Variants in STAM2 observed in about 807,000 individuals in gnomAD.
The protein encoded by STAM2 is signal transducing adaptor molecule 2.
Under a neutral mutation model 65.6 loss-of-function variants are expected in STAM2, and 51 were observed. The ratio of observed to expected loss-of-function variants is 0.78; its 90% confidence interval spans 0.62 to 0.98. The LOEUF (loss-of-function observed/expected upper bound fraction) is 0.98, where lower values mean the gene tolerates loss of function less well. Ranked by LOEUF, STAM2 falls within the 50% of genes least tolerant of loss-of-function variation. The pLI is 0.00. For synonymous variants in STAM2, 198 were observed against 208.4 expected (o/e 0.95, Z 0.43); for missense variants, 584 against 617.8 (o/e 0.95, Z 0.58).
intron 1 of STAM2, among the ~76,000 whole-genome samples, chr2:152,169,520 A>G (rs1416646268): frequency 1.3e-5 from 2 of 152,198 alleles, no homozygotes; most frequent in African/African-American, 2.4e-5. Flanking sequence ...CAAGCAATCC[A>G]CCAAGTGTTT....
chr2:152,173,363 CATATATATACATATATATAT>C (rs1560227624), intron 1 of STAM2, among the ~76,000 whole-genome samples: 1 of 146,300 alleles, frequency 6.8e-6, no homozygotes, highest in Non-Finnish European at 1.5e-5. Context: ...TATATACACA[CATATATATACATATATATAT>C]ATATGTATAC....
intron 1 of STAM2, among the ~76,000 whole-genome samples, chr2:152,171,137 T>C (rs1240325083): frequency 2.0e-5 from 3 of 152,222 alleles, no homozygotes; most frequent in South Asian, 2.1e-4. Context: ...TATCTATTTA[T>C]AGAGTGTTTA....
chr2:152,162,529 T>C (rs1689701444), intron 1 of STAM2, among the ~76,000 whole-genome samples: 2 of 152,222 alleles, frequency 1.3e-5, no homozygotes, highest in East Asian at 3.8e-4. Context: ...CAGTGAGCTA[T>C]GATTGTGCCA....
intron 7 of STAM2, among the ~76,000 whole-genome samples, chr2:152,143,335 G>C (rs1193903556): frequency 6.6e-6 from 1 of 152,120 alleles, no homozygotes; most frequent in African/African-American, 2.4e-5. Context: ...TAAAAGTACA[G>C]AACAGTATTA....
chr2:152,125,766 A>G (rs1414969297), intron 12 of STAM2, among the ~76,000 whole-genome samples: 2 of 152,240 alleles, frequency 1.3e-5, no homozygotes, highest in African/African-American at 4.8e-5. Flanking sequence ...TAATCATGTA[A>G]GTCAAATAAA....
At chr2:152,164,174 CTT>C (rs956076890) in intron 1 of STAM2, among the ~76,000 whole-genome samples, 5 of 152,076 alleles carry the variant, frequency 3.3e-5, no homozygotes, top group African/African-American at 1.2e-4. Context: ...TCTTTGTACT[CTT>C]TCTCTCTATT....
chr2:152,156,732 A>C (rs997005544), intron 1 of STAM2, among the ~76,000 whole-genome samples: 98 of 152,324 alleles, frequency 6.4e-4, no homozygotes, highest in African/African-American at 2.1e-3. Flanking sequence ...TACAGCTTTA[A>C]AAAGAATCTA....
At chr2:152,154,503 A>C (rs1441590621) in intron 1 of STAM2, among the ~76,000 whole-genome samples, 1 of 152,184 alleles carries the variant, frequency 6.6e-6, no homozygotes. Flanking sequence ...CTGTAGTCCC[A>C]GCTACTTGGG....
At chr2:152,150,608 C>T (rs1689425835) in intron 1 of STAM2, among the ~76,000 whole-genome samples, 1 of 152,182 alleles carries the variant, frequency 6.6e-6, no homozygotes, top group African/African-American at 2.4e-5. Flanking sequence ...CGAGACCAGC[C>T]TGGGCAATAT....
intron 1 of STAM2, among the ~76,000 whole-genome samples, chr2:152,155,945 G>A (rs557404979): frequency 6.6e-6 from 1 of 152,228 alleles, no homozygotes; most frequent in South Asian, 2.1e-4. Context: ...CTGATTTGAG[G>A]AGCCAGTATC....
At chr2:152,160,154 G>A (rs1472733328) in intron 1 of STAM2, among the ~76,000 whole-genome samples, 6 of 151,940 alleles carry the variant, frequency 3.9e-5, no homozygotes, top group East Asian at 1.9e-4. Context: ...CCGCCACCCC[G>A]TCGGGGAAGT....
At chr2:152,169,743 T>G (rs1477875093) in intron 1 of STAM2, among the ~76,000 whole-genome samples, 3 of 152,102 alleles carry the variant, frequency 2.0e-5, no homozygotes, top group Non-Finnish European at 4.4e-5. Context: ...TAGGCATAAA[T>G]TAGAAAATCT....
chr2:152,152,315 C>T (rs1403027776), intron 1 of STAM2, among the ~76,000 whole-genome samples: 5 of 151,832 alleles, frequency 3.3e-5, no homozygotes, highest in Non-Finnish European at 5.9e-5. Context: ...TTTGGGAGGC[C>T]GAGGTGGGCA....
rs145888910 is a variant in STAM2, at chr2:152,147,634, T to C, written c.301-326A>G. 1.5e-3 allele frequency among the ~76,000 whole-genome samples: 235 copies of C among 152,316 alleles called. 4 individuals are homozygous for C. The East Asian group carries it at 0.034, about 22-fold the overall frequency. ...TGGATGTAAATCATGGCTATTCCAG[T>C]TACCAGCTGCATGACCTTGGACAAG... On this transcript the variant is annotated intron_variant, in intron 4 of 13. Coordinates refer to ENST00000263904, the MANE Select transcript of STAM2 (RefSeq NM_005843.6).
At chr2:152,175,557 T>G (rs371308841) in intron 1 of STAM2, 46 bp downstream of exon 1, 3 of 1,612,930 alleles carry the variant, frequency 1.9e-6, no homozygotes, top group Non-Finnish European at 2.5e-6. Context: ...CAAACAGCAG[T>G]CCAGGGCCAG....
At chr2:152,166,841 A>G (rs1462172902) in intron 1 of STAM2, among the ~76,000 whole-genome samples, 32 of 152,242 alleles carry the variant, frequency 2.1e-4, no homozygotes, top group Admixed American at 2.1e-3. Context: ...GCTGCTCCAG[A>G]TAAGAATAAA....
intron 4 of STAM2, 73 bp downstream of exon 4, chr2:152,147,951 C>A: frequency 9.4e-7 from 1 of 1,064,032 alleles, no homozygotes; most frequent in South Asian, 1.5e-5. Flanking sequence ...TTTAGTAATG[C>A]CACATATAGT....
chr2:152,170,788 G>A (rs532616906), intron 1 of STAM2, among the ~76,000 whole-genome samples: 2 of 152,350 alleles, frequency 1.3e-5, no homozygotes, highest in East Asian at 1.9e-4. Context: ...CTAAGGTCAG[G>A]AGTTCGAAAC....
At chr2:152,152,406 G>A (rs548912278) in intron 1 of STAM2, among the ~76,000 whole-genome samples, 15 of 152,090 alleles carry the variant, frequency 9.9e-5, no homozygotes, top group South Asian at 2.1e-4. Context: ...AAAATTACCC[G>A]GGTGTGGTGG....
Sources: allele counts gnomAD v4.1 joint callset (sites outside exome capture counted in the v4.1 genomes callset), GRCh38; gene constraint gnomAD v4.1.1; transcripts MANE v1.5; gene names NCBI Gene and HGNC (gene_info 2026-07-23, HGNC 2026-07-21).